Variants in IFNB1 observed in about 807,000 individuals in gnomAD.
IFNB1 encodes the protein interferon beta.
For missense variants in IFNB1, 267 were observed against 210.5 expected (o/e 1.27, Z -1.66); for synonymous variants, 99 against 80.4 (o/e 1.23, Z -1.24).
At position 21,077,160 on chromosome 9, in the gene IFNB1, A is replaced by T; in HGVS notation, c.*146T>A. 1 of 430,532 alleles carries T rather than the reference A, an allele frequency of 2.3e-6. No individual in the cohort carries two copies. Among genetic ancestry groups the T allele is most frequent in the Non-Finnish European group, 4.2e-6 (1 of 240,546 alleles). 26.7% of individuals were successfully genotyped at this position (430,532 alleles called of 1,614,324 possible). A position where few individuals can be genotyped will look rare whatever the true frequency, so the allele number is the denominator to read the frequency against. ...CAAAATAAAATTTAAATAAATAAAA[A>T]TAACTCATAATTTAATAAAAATTTC... On this transcript the variant is annotated 3_prime_UTR_variant, in exon 1 of 1. Transcript: ENST00000380232.
rs1351287500 is a variant in IFNB1 at position 21,077,383 on chromosome 9, C to T, written c.487G>A (p.Ala163Thr). The stretch of plus-strand genomic sequence containing the variant: ...ATTTCCACTCTGACTATGGTCCAGG[C>T]ACAGTGACTGTACTCCTTGGCCTTC... ...YLKAKEYSHC[A>T]WTIVRVEILR... Residue 163 changes from alanine to threonine, a missense_variant, in exon 1 of 1, where the codon GCC becomes ACC. Coordinates refer to ENST00000380232, the MANE Select transcript of IFNB1 (RefSeq NM_002176.4). 2.0e-5 allele frequency: 32 copies of T among 1,613,612 alleles called. No individual in the cohort carries two copies. The highest frequency in any genetic ancestry group is 2.5e-5 in the Non-Finnish European group (29 of 1,179,686).
Position 21,077,525 on chromosome 9 carries a change from C to T in IFNB1, c.345G>A (p.Gln115=). The change falls in exon 1 of 1, where the codon CAG becomes CAA. Residue 115 remains glutamine, a synonymous_variant. Coordinates refer to ENST00000380232, the MANE Select transcript of IFNB1 (RefSeq NM_002176.4). ...VENLLANVYH[Q]INHLKTVLEE... Reference sequence around the variant, plus strand: ...CCAGGACTGTCTTCAGATGGTTTATCTGATGATAGACATTAGCCAGGAGGT... The same window carrying T: ...CCAGGACTGTCTTCAGATGGTTTATTTGATGATAGACATTAGCCAGGAGGT... The T allele has an allele frequency of 6.2e-7, 1 of 1,613,922 alleles. No homozygotes were observed. The highest frequency in any genetic ancestry group is 1.1e-5 in the South Asian group (1 of 91,074).
Position 21,077,649 on chromosome 9 carries a change from T to A in IFNB1, c.221A>T (p.Glu74Val). Residue 74 changes from glutamate (E) to valine (V), a missense_variant, in exon 1 of 1, where the codon GAG (glutamate) becomes GTG (valine). By Grantham distance (121) the Glu-to-Val change is moderately radical. Transcript: ENST00000380232. ...EIKQLQQFQK[E>V]DAALTIYEML... is the part of the protein sequence containing the mutation. ...CTCATAGATGGTCAATGCGGCGTCC[T>A]CCTTCTGGAACTGCTGCAGCTGCTT... 6.2e-7 allele frequency: 1 copy of A among 1,613,978 alleles called. No homozygotes were observed. The highest frequency in any genetic ancestry group is 1.7e-5 in the Admixed American group (1 of 59,998).
Position 21,077,340 on chromosome 9 carries a change from A to G in IFNB1, c.530T>C (p.Phe177Ser). ...VRVEILRNFY[F>S]INRLTGYLRN is the part of the protein sequence containing the mutation. Reference sequence around the variant, plus strand: ...GAGGTAACCTGTAAGTCTGTTAATGAAGTAAAAGTTCCTTAGGATTTCCAC... The same window carrying G: ...GAGGTAACCTGTAAGTCTGTTAATGGAGTAAAAGTTCCTTAGGATTTCCAC... Residue 177 changes from phenylalanine to serine, a missense_variant, in exon 1 of 1, where the codon TTC (phenylalanine) becomes TCC (serine). Coordinates refer to ENST00000380232, the MANE Select transcript of IFNB1 (RefSeq NM_002176.4). 6.2e-7 allele frequency: 1 copy of G among 1,613,388 alleles called. No individual in the cohort carries two copies. Among genetic ancestry groups the G allele is most frequent in the East Asian group, 2.2e-5 (1 of 44,868 alleles).
chr9:21,077,821 T>G lies in IFNB1; in HGVS notation c.49A>C (p.Thr17Pro), dbSNP rs375770862. ...TTGTAGCTCATGGAAAGAGCTGTAGTGGAGAAGCACAACAGGAGAGCAATT... is the reference window on the plus strand; with the variant it reads ...TTGTAGCTCATGGAAAGAGCTGTAGGGGAGAAGCACAACAGGAGAGCAATT... ...LQIALLLCFS[T>P]TALSMSYNLL... is the part of the protein sequence containing the mutation. Residue 17 changes from threonine to proline, a missense_variant, in exon 1 of 1, where the codon ACT becomes CCT. Transcript: ENST00000380232. The G allele has an allele frequency of 6.2e-7, 1 of 1,613,696 alleles. No homozygotes were observed. The highest frequency in any genetic ancestry group is 1.7e-5 in the Admixed American group (1 of 59,948).
In IFNB1 at chr9:21,077,426, C is replaced by T. The variant is rs746555636; in HGVS notation, c.444G>A (p.Gly148=). The T allele has an allele frequency of 9.0e-5, 146 of 1,613,590 alleles. No homozygotes were observed. Among genetic ancestry groups the T allele is most frequent in the Non-Finnish European group, 1.2e-4 (138 of 1,179,658 alleles). ...TGGCCTTCAGGTAATGCAGAATCCT[C>T]CCATAATATCTTTTCAGGTGCAGAC... ...MSSLHLKRYY[G]RILHYLKAKE... Residue 148 remains glycine, a synonymous_variant, in exon 1 of 1, where the codon GGG becomes GGA. Transcript: ENST00000380232.
rs371785171 is a variant in IFNB1 at position 21,077,801 on chromosome 9, G to C, written c.69C>G (p.Ser23Arg). The change falls in exon 1 of 1, where the codon AGC becomes AGG. Residue 23 changes from serine (S) to arginine (R), a missense_variant. Ser to Arg is a moderately radical substitution (Grantham distance 110, BLOSUM62 -1). Transcript: ENST00000380232. Reference sequence around the variant, plus strand: ...TTTGTAGGAATCCAAGCAAGTTGTAGCTCATGGAAAGAGCTGTAGTGGAGA... The same window carrying C: ...TTTGTAGGAATCCAAGCAAGTTGTACCTCATGGAAAGAGCTGTAGTGGAGA... ...LCFSTTALSM[S>R]YNLLGFLQRS... 2 of 1,613,688 alleles carry C rather than the reference G, an allele frequency of 1.2e-6. No individual in the cohort carries two copies. Among genetic ancestry groups the C allele is most frequent in the African/African-American group, 2.7e-5 (2 of 74,888 alleles).
Position 21,077,127 on chromosome 9 carries a change from T to C in IFNB1, c.*179A>G, listed in dbSNP as rs1818728030. The C allele has an allele frequency of 5.1e-6, 2 of 390,592 alleles. No homozygotes were observed. Among genetic ancestry groups the C allele is most frequent in the South Asian group, 7.1e-5 (1 of 14,036 alleles). The allele number at this position is 390,592 out of a possible 1,614,324, so 24.2% of individuals were successfully genotyped here. A position where few individuals can be genotyped will look rare whatever the true frequency, so the allele number is the denominator to read the frequency against. The stretch of plus-strand genomic sequence containing the variant: ...TGTTGACTTTTGCACCAAAAATAAT[T>C]TATTTTCCAAAATAAAATTTAAATA... On this transcript the variant is annotated 3_prime_UTR_variant, in exon 1 of 1. Coordinates refer to ENST00000380232, the MANE Select transcript of IFNB1 (RefSeq NM_002176.4).
chr9:21,077,209 A>C lies in IFNB1; in HGVS notation c.*97T>G, dbSNP rs1343139154. The C allele has an allele frequency of 1.5e-5, 11 of 710,792 alleles. No homozygotes were observed. Among genetic ancestry groups the C allele is most frequent in the Non-Finnish European group, 2.7e-5 (11 of 407,910 alleles). 44.0% of individuals were successfully genotyped at this position (710,792 alleles called of 1,614,324 possible). A position where few individuals can be genotyped will look rare whatever the true frequency, so the allele number is the denominator to read the frequency against. On this transcript the variant is annotated 3_prime_UTR_variant, in exon 1 of 1. Transcript: ENST00000380232. ...TCAAAATCTTCTAGTGTCCTTTCAT[A>C]TGCAGTACATTAGCCATCAGTCACT... is the stretch of plus-strand genomic sequence containing the variant.
Position 21,077,312 on chromosome 9 carries a change from T to A in IFNB1, c.558A>T (p.Arg186=), listed in dbSNP as rs778622506. ...YFINRLTGYL[R]N is the part of the protein sequence containing the mutation. Reference sequence around the variant, plus strand: ...GGCACAGGCTAGGAGATCTTCAGTTTCGGAGGTAACCTGTAAGTCTGTTAA... The same window carrying A: ...GGCACAGGCTAGGAGATCTTCAGTTACGGAGGTAACCTGTAAGTCTGTTAA... The change falls in exon 1 of 1, where the codon CGA becomes CGT. Residue 186 remains arginine (R), a synonymous_variant. Transcript: ENST00000380232. 1 of 1,606,974 alleles carries A rather than the reference T, an allele frequency of 6.2e-7. No individual in the cohort carries two copies. The highest frequency in any genetic ancestry group is 1.1e-5 in the South Asian group (1 of 90,296).
Position 21,077,743 on chromosome 9 carries a change from A to G in IFNB1, c.127T>C (p.Trp43Arg). The change falls in exon 1 of 1, where the codon TGG becomes CGG. Residue 43 changes from tryptophan to arginine, a missense_variant. Trp to Arg is a moderately radical substitution (Grantham distance 101). Transcript: ENST00000380232. ...SSNFQCQKLL[W>R]QLNGRLEYCL... ...TATTCAAGCCTCCCATTCAATTGCC[A>G]CAGGAGCTTCTGACACTGAAAATTG... The G allele has an allele frequency of 6.2e-7, 1 of 1,613,914 alleles. No homozygotes were observed. The highest frequency in any genetic ancestry group is 1.1e-5 in the South Asian group (1 of 91,084).
the IFNB1 span, chr9:21,077,857 ACTTGTTGGTC>A: frequency 3.1e-6 from 5 of 1,612,096 alleles, no homozygotes; most frequent in Middle Eastern, 1.7e-4. Context: ...TGGAGGAGAC[ACTTGTTGGTC>A]ATGTTGACAA....
At position 21,077,768 on chromosome 9, in the gene IFNB1, GCTGCTT is replaced by G. The variant is rs748203966; in HGVS notation, c.96_101del (p.Arg32_Ser33del). ...ACAGGAGCTTCTGACACTGAAAATT[GCTGCTT>G]CTTTGTAGGAATCCAAGCAAGTTGT... is the stretch of plus-strand genomic sequence containing the variant. On this transcript the variant is annotated inframe_deletion, in exon 1 of 1. Coordinates refer to ENST00000380232, the MANE Select transcript of IFNB1 (RefSeq NM_002176.4). 5.6e-6 allele frequency: 9 copies of G among 1,613,674 alleles called. 1 individual carries two copies. In the African/African-American group the frequency reaches 8.0e-5, roughly 14 times the overall value.
rs1372928809 is a variant in IFNB1 at position 21,077,744 on chromosome 9, C to G, written c.126G>C (p.Leu42=). ...RSSNFQCQKL[L]WQLNGRLEYC... ...ATTCAAGCCTCCCATTCAATTGCCA[C>G]AGGAGCTTCTGACACTGAAAATTGC... Residue 42 remains leucine (L), a synonymous_variant, in exon 1 of 1, where the codon CTG becomes CTC. Transcript: ENST00000380232. The G allele has an allele frequency of 1.2e-6, 2 of 1,613,924 alleles. No homozygotes were observed. Among genetic ancestry groups the G allele is most frequent in the Non-Finnish European group, 1.7e-6 (2 of 1,179,886 alleles).
At position 21,077,281 on chromosome 9, in the gene IFNB1, C is replaced by T. The variant is rs780173713; in HGVS notation, c.*25G>A. ...AGAATGCTTGAAGCAATTGTCCAGT[C>T]CCAGAGGCACAGGCTAGGAGATCTT... On this transcript the variant is annotated 3_prime_UTR_variant, in exon 1 of 1. Coordinates refer to ENST00000380232, the MANE Select transcript of IFNB1 (RefSeq NM_002176.4). 23 of 1,525,908 alleles carry T rather than the reference C, an allele frequency of 1.5e-5. No individual in the cohort carries two copies. The African/African-American group carries it at 2.6e-4, about 17-fold the overall frequency. 94.5% of individuals were successfully genotyped at this position (1,525,908 alleles called of 1,614,324 possible).
chr9:21,077,394 T>C lies in IFNB1; in HGVS notation c.476A>G (p.Tyr159Cys). The stretch of plus-strand genomic sequence containing the variant: ...GACTATGGTCCAGGCACAGTGACTG[T>C]ACTCCTTGGCCTTCAGGTAATGCAG... ...RILHYLKAKE[Y>C]SHCAWTIVRV... Residue 159 changes from tyrosine (Y) to cysteine (C), a missense_variant, in exon 1 of 1, where the codon TAC becomes TGC. Tyr to Cys is a radical substitution (Grantham distance 194). Transcript: ENST00000380232. 1 of 1,613,618 alleles carries C rather than the reference T, an allele frequency of 6.2e-7. No homozygotes were observed. The highest frequency in any genetic ancestry group is 2.2e-5 in the East Asian group (1 of 44,878).
rs545301798 is a variant in IFNB1 at position 21,077,515 on chromosome 9, G to C, written c.355C>G (p.Leu119Val). The C allele has an allele frequency of 6.8e-6, 11 of 1,613,920 alleles. No homozygotes were observed. In the African/African-American group the frequency reaches 1.5e-4, roughly 22 times the overall value. ...AGTTTTTCTTCCAGGACTGTCTTCAGATGGTTTATCTGATGATAGACATTA... is the reference window on the plus strand; with the variant it reads ...AGTTTTTCTTCCAGGACTGTCTTCACATGGTTTATCTGATGATAGACATTA... ...LANVYHQINHLKTVLEEKLEK... is the reference protein window; with the variant it reads ...LANVYHQINHVKTVLEEKLEK... The change falls in exon 1 of 1, where the codon CTG becomes GTG. Residue 119 changes from leucine (L) to valine (V), a missense_variant. Physicochemically the swap from Leu to Val is conservative, Grantham distance 32. Transcript: ENST00000380232.
rs766933273 is a variant in IFNB1 at position 21,077,513 on chromosome 9, C to T, written c.357G>A (p.Leu119=). 12 of 1,613,974 alleles carry T rather than the reference C, an allele frequency of 7.4e-6. No homozygotes were observed. The African/African-American group carries it at 1.2e-4, about 16-fold the overall frequency. The change falls in exon 1 of 1, where the codon CTG becomes CTA. Residue 119 remains leucine, a synonymous_variant. Transcript: ENST00000380232. ...LANVYHQINH[L]KTVLEEKLEK... Reference sequence around the variant, plus strand: ...CCAGTTTTTCTTCCAGGACTGTCTTCAGATGGTTTATCTGATGATAGACAT... The same window carrying T: ...CCAGTTTTTCTTCCAGGACTGTCTTTAGATGGTTTATCTGATGATAGACAT...
the IFNB1 span, chr9:21,077,358 AT>A: frequency 7.4e-6 from 12 of 1,613,678 alleles, no homozygotes; most frequent in Non-Finnish European, 1.0e-5. Context: ...GTTCCTTAGG[AT>A]TTCCACTCTG....
Sources: gnomAD v4.1 joint callset for allele counts on GRCh38, gnomAD v4.1.1 for gene constraint, MANE v1.5 for transcripts, NCBI Gene and HGNC (gene_info 2026-07-23, HGNC 2026-07-21) for gene names.